Variants in OTOGL observed in about 807,000 individuals in gnomAD.
OTOGL encodes otogelin like.
Under a neutral mutation model 318.5 loss-of-function variants are expected in OTOGL, and 285 were observed. That is an observed-to-expected ratio of 0.89 (90% confidence interval 0.81 to 0.99). The LOEUF is 0.99. Ranked by LOEUF, OTOGL falls within the 50% of genes least tolerant of loss-of-function variation. The pLI is 0.00. For missense variants in OTOGL, 2,899 were observed against 2,845.6 expected (o/e 1.02, Z -0.43); for synonymous variants, 987 against 936.5 (o/e 1.05, Z -0.99).
intron 1 of OTOGL, among the ~76,000 whole-genome samples, chr12:80,147,063 G>C (rs1872430267): frequency 6.6e-6 from 1 of 150,470 alleles, no homozygotes; most frequent in African/African-American, 2.4e-5. Context: ...CTTCAGTTCT[G>C]CTCTGATTTT....
At chr12:80,308,838 G>A (rs554512965) in intron 29 of OTOGL, among the ~76,000 whole-genome samples, 2 of 152,198 alleles carry the variant, frequency 1.3e-5, no homozygotes, top group East Asian at 1.9e-4. Flanking sequence ...GTGGCGGCGC[G>A]CGCCTGCAAT....
chr12:80,305,239 AC>A (rs1592682253), intron 28 of OTOGL, among the ~76,000 whole-genome samples: 2 of 152,198 alleles, frequency 1.3e-5, no homozygotes, highest in South Asian at 4.1e-4. Context: ...ACACACATAT[AC>A]ATTTGCATAC....
Position 80,344,252 on chromosome 12 carries a change from G to A in OTOGL, c.5265+2090G>A, listed in dbSNP as rs150492753. The stretch of plus-strand genomic sequence containing the variant: ...AAGCATCATGATTTTTTAAAATTGC[G>A]TTTTTAACTGGGAACTTGAAAGGTT... On this transcript the variant is annotated intron_variant, in intron 44 of 58. Coordinates refer to ENST00000547103, the MANE Select transcript of OTOGL (RefSeq NM_001378609.3). Among the ~76,000 whole-genome samples, 1,379 of 152,200 alleles carry A rather than the reference G, an allele frequency of 9.1e-3. 12 individuals carry two copies. Among genetic ancestry groups the A allele is most frequent in the African/African-American group, 0.028 (1,145 of 41,524 alleles).
At chr12:80,222,050 A>G (rs765926930) in intron 6 of OTOGL, 41 bp from the exon 7 acceptor site, 2 of 1,547,318 alleles carry the variant, frequency 1.3e-6, no homozygotes, top group Admixed American at 1.8e-5. Flanking sequence ...AGAAACGTGT[A>G]ATTTATTTTG....
chr12:80,172,606 G>GTT (rs59280536), intron 1 of OTOGL, among the ~76,000 whole-genome samples: 3 of 149,134 alleles, frequency 2.0e-5, no homozygotes, highest in Non-Finnish European at 3.0e-5. Context: ...TTTTTTCTAT[G>GTT]TTTTTTTTTT....
chr12:80,119,676 A>G (rs2137096061), intron 1 of OTOGL, among the ~76,000 whole-genome samples: 1 of 152,282 alleles, frequency 6.6e-6, no homozygotes, highest in Non-Finnish European at 1.5e-5. Context: ...TGATTTGTTG[A>G]CATGGCATTC....
At chr12:80,361,522 T>C (rs557400334) in intron 52 of OTOGL, among the ~76,000 whole-genome samples, 1 of 152,196 alleles carries the variant, frequency 6.6e-6, no homozygotes, top group Non-Finnish European at 1.5e-5. Context: ...CTGGATCATA[T>C]AGTAATTCTA....
In OTOGL at chr12:80,238,870, C is replaced by T. The variant is rs767987736; in HGVS notation, c.837C>T (p.Ile279=). The T allele has an allele frequency of 6.4e-6, 10 of 1,554,952 alleles. No individual in the cohort carries two copies. The highest frequency in any genetic ancestry group is 3.8e-5 in the Admixed American group (2 of 53,278). ...IILQEDYTED[I]AMFANSWSVQ... is the part of the protein sequence containing the mutation. ...AAATAGAGGACTATACAGAAGACATCGCTATGTTTGCAAATAGTTGGTCGG... is the reference window on the plus strand; with the variant it reads ...AAATAGAGGACTATACAGAAGACATTGCTATGTTTGCAAATAGTTGGTCGG... The change falls in exon 10 of 59, where the codon ATC becomes ATT. Residue 279 remains isoleucine, a synonymous_variant. Coordinates refer to ENST00000547103, the MANE Select transcript of OTOGL (RefSeq NM_001378609.3).
At chr12:80,306,926 T>C (rs1424971046) in intron 29 of OTOGL, among the ~76,000 whole-genome samples, 3 of 150,118 alleles carry the variant, frequency 2.0e-5, no homozygotes, top group Non-Finnish European at 4.4e-5. Flanking sequence ...CAAAGGTCTC[T>C]GGTTTTCCTA....
intron 1 of OTOGL, among the ~76,000 whole-genome samples, chr12:80,126,695 A>C (rs1870863405): frequency 6.6e-6 from 1 of 152,094 alleles, no homozygotes; most frequent in Admixed American, 6.6e-5. Flanking sequence ...GTAGGTCTCT[A>C]AGGACTTGCT....
In OTOGL at chr12:80,238,992, G is replaced by C. The variant is rs1200730676; in HGVS notation, c.945+14G>C. 6.3e-7 allele frequency: 1 copy of C among 1,592,592 alleles called. No homozygotes were observed. Among genetic ancestry groups the C allele is most frequent in the African/African-American group, 1.3e-5 (1 of 74,770 alleles). On this transcript the variant is annotated intron_variant, in intron 10 of 58. Coordinates refer to ENST00000547103, the MANE Select transcript of OTOGL (RefSeq NM_001378609.3). ...CCAGCATTTGAGGTAAATTTGATGT[G>C]AGAAATGTGGGCATGTCAGACAGAA...
intron 56 of OTOGL, 101 bp from the exon 57 acceptor site, chr12:80,371,918 A>C: frequency 1.6e-6 from 1 of 628,030 alleles, no homozygotes; most frequent in Non-Finnish European, 2.5e-6. Flanking sequence ...GCTTTGTGGT[A>C]TTTGATAAAA....
intron 27 of OTOGL, 69 bp downstream of exon 27, chr12:80,297,030 A>G (rs1258389912): frequency 2.2e-6 from 3 of 1,339,612 alleles, no homozygotes; most frequent in Non-Finnish European, 3.0e-6. Flanking sequence ...AATAGAAATG[A>G]TTTGGTCTAC....
chr12:80,288,168 G>A (rs1884775148), intron 26 of OTOGL, among the ~76,000 whole-genome samples: 1 of 152,090 alleles, frequency 6.6e-6, no homozygotes, highest in Admixed American at 6.6e-5. Context: ...GCCTAGTTTG[G>A]CTGGATATGA....
intron 11 of OTOGL, among the ~76,000 whole-genome samples, chr12:80,240,499 C>T (rs144476937): frequency 7.6e-4 from 116 of 152,190 alleles, no homozygotes; most frequent in African/African-American, 2.8e-3. Flanking sequence ...ATGCTTTTAA[C>T]ACGCATTTCA....
At chr12:80,192,996 A>AC (rs1875802660) in intron 1 of OTOGL, among the ~76,000 whole-genome samples, 1 of 152,008 alleles carries the variant, frequency 6.6e-6, no homozygotes, top group Non-Finnish European at 1.5e-5. Context: ...ATACTAAAAA[A>AC]AAAACCGAAT....
At chr12:80,346,516 G>T (rs895691394) in intron 44 of OTOGL, among the ~76,000 whole-genome samples, 7 of 151,884 alleles carry the variant, frequency 4.6e-5, no homozygotes, top group Non-Finnish European at 8.8e-5. Flanking sequence ...TTATTTATTT[G>T]CTTGTTTTAA....
At chr12:80,173,353 A>G (rs1286710925) in intron 1 of OTOGL, among the ~76,000 whole-genome samples, 1 of 152,158 alleles carries the variant, frequency 6.6e-6, no homozygotes, top group Non-Finnish European at 1.5e-5. Flanking sequence ...AGGGTGGGCA[A>G]TTCCCAGAAA....
chr12:80,176,260 C>T (rs1244631842), intron 1 of OTOGL, among the ~76,000 whole-genome samples: 1 of 152,152 alleles, frequency 6.6e-6, no homozygotes, highest in African/African-American at 2.4e-5. Flanking sequence ...ATATAATTTA[C>T]ATATGTTAAA....
Sources: gnomAD v4.1 joint callset for allele counts (sites outside exome capture counted in the v4.1 genomes callset) on GRCh38, gnomAD v4.1.1 for gene constraint, MANE v1.5 for transcripts, NCBI Gene and HGNC (gene_info 2026-07-23, HGNC 2026-07-21) for gene names.